Variants in PCYT1A observed in about 807,000 individuals in gnomAD.
PCYT1A encodes phosphate cytidylyltransferase 1A, choline.
In PCYT1A, 25 loss-of-function variants were observed where a neutral mutation model predicts 43.7. The ratio of observed to expected loss-of-function variants is 0.57; its 90% CI spans 0.42 to 0.80. PCYT1A has a LOEUF of 0.80. PCYT1A is among the 30% of genes least tolerant of loss of function. The pLI, the probability that PCYT1A is intolerant of heterozygous loss-of-function variation, is 0.00. For synonymous variants in PCYT1A, 172 were observed against 170.7 expected (o/e 1.01, Z -0.06); for missense variants, 421 against 474.2 (o/e 0.89, Z 1.04).
At chr3:196,248,673 C>CA (rs1258244890) in intron 3 of PCYT1A, among the ~76,000 whole-genome samples, 1 of 150,894 alleles carries the variant, frequency 6.6e-6, no homozygotes, top group Non-Finnish European at 1.5e-5. Flanking sequence ...TGCCAAGCCA[C>CA]AAAAATACAT....
rs958926950 is a variant in PCYT1A, at chr3:196,241,308, A to G, written c.708+640T>C. The G allele has an allele frequency of 2.5e-4, 38 of 149,556 alleles. 2 individuals carry two copies. The highest frequency in any genetic ancestry group is 2.5e-3 in the Admixed American group (37 of 14,924). The allele number at this position is 149,556 out of a possible 1,614,324, so 9.3% of individuals were successfully genotyped here. ...CGAGACCCTGTCTCAAAAAGAAAGA[A>G]ACACTACATATATATATATTTGCAT... is the stretch of plus-strand genomic sequence containing the variant. On this transcript the variant is annotated intron_variant, in intron 7 of 8. Coordinates refer to ENST00000431016, the MANE Select transcript of PCYT1A (RefSeq NM_001312673.2).
At chr3:196,243,738 G>T (rs1364048908) in intron 5 of PCYT1A, among the ~76,000 whole-genome samples, 2 of 152,386 alleles carry the variant, frequency 1.3e-5, no homozygotes, top group Non-Finnish European at 2.9e-5. Flanking sequence ...GTTTTGCTGT[G>T]TTGGCCGGGC....
At chr3:196,248,369 G>A (rs1412255409) in intron 3 of PCYT1A, 46 bp from the exon 4 acceptor site, 2 of 1,180,064 alleles carry the variant, frequency 1.7e-6, no homozygotes, top group Non-Finnish European at 2.5e-6. Flanking sequence ...CTTTTTTTTT[G>A]TCATTTTTAT....
chr3:196,238,510 T>G lies in PCYT1A; in HGVS notation c.*178A>C. On this transcript the variant is annotated 3_prime_UTR_variant, in exon 9 of 9. Coordinates refer to ENST00000431016, the MANE Select transcript of PCYT1A (RefSeq NM_001312673.2). The stretch of plus-strand genomic sequence containing the variant: ...AGTCCCCCTCCTTCGTGTGGGTGAG[T>G]GATGTCACTTGCAGGACAGGCTGTT... The G allele has an allele frequency of 2.3e-6, 1 of 443,798 alleles. No homozygotes were observed. 27.5% of individuals were successfully genotyped at this position (443,798 alleles called of 1,614,324 possible).
rs557263703 is a variant in PCYT1A at position 196,268,618 on chromosome 3, CTAAAAA to C, written c.117+1791_117+1796del. ...TGGGCAACATAGCAAGACCCTTACT[CTAAAAA>C]TAAAAATAAAAATAAAAATAGTAAG... On this transcript the variant is annotated intron_variant, in intron 2 of 8. Coordinates refer to ENST00000431016, the MANE Select transcript of PCYT1A (RefSeq NM_001312673.2). The surrounding 1 kb of genome is among the most constrained non-coding windows in gnomAD (Gnocchi z 4.4). Among the ~76,000 whole-genome samples, 67 of 151,956 alleles carry C rather than the reference CTAAAAA, an allele frequency of 4.4e-4. No homozygotes were observed. In the South Asian group the frequency reaches 5.0e-3, roughly 11 times the overall value.
rs1724205988 is a variant in PCYT1A at position 196,237,583 on chromosome 3, C to T, written c.*1105G>A. On this transcript the variant is annotated 3_prime_UTR_variant, in exon 9 of 9. Coordinates refer to ENST00000431016, the MANE Select transcript of PCYT1A (RefSeq NM_001312673.2). ...CAGGGAAGAATGTTCTGAAGAGGGA[C>T]AGAGGTCAAGGTGATAAGGCTGTTG... is the stretch of plus-strand genomic sequence containing the variant. 1 of 152,238 alleles carries T rather than the reference C, an allele frequency of 6.6e-6. No individual in the cohort carries two copies. The highest frequency in any genetic ancestry group is 1.5e-5 in the Non-Finnish European group (1 of 68,066). The allele number at this position is 152,238 out of a possible 1,614,324, so 9.4% of individuals were successfully genotyped here. A position where few individuals can be genotyped will look rare whatever the true frequency, so the allele number is the denominator to read the frequency against.
intron 3 of PCYT1A, chr3:196,251,537 A>C (rs1272190150): frequency 6.5e-6 from 1 of 152,710 alleles, no homozygotes; most frequent in Non-Finnish European, 1.5e-5. Context: ...AGTATCAGCA[A>C]CTTTCAAGAA....
intron 5 of PCYT1A, among the ~76,000 whole-genome samples, chr3:196,245,063 C>T (rs567217196): frequency 4.0e-4 from 61 of 150,758 alleles, no homozygotes; most frequent in African/African-American, 1.2e-3. Flanking sequence ...TCCCCCTCTG[C>T]GAGAAACACC....
chr3:196,286,404 T>C (rs954701249), intron 1 of PCYT1A, among the ~76,000 whole-genome samples: 4 of 152,200 alleles, frequency 2.6e-5, no homozygotes, highest in African/African-American at 9.6e-5. Context: ...ATAGAATCAT[T>C]ACATTTTAGA....
chr3:196,246,810 G>A (rs556640547), intron 5 of PCYT1A, among the ~76,000 whole-genome samples: 7 of 152,228 alleles, frequency 4.6e-5, no homozygotes, highest in African/African-American at 1.7e-4. Flanking sequence ...TGGGGGGAAG[G>A]TCTCGTAACT....
chr3:196,266,696 C>T (rs1047284142), intron 2 of PCYT1A, among the ~76,000 whole-genome samples: 1 of 151,814 alleles, frequency 6.6e-6, no homozygotes, highest in African/African-American at 2.4e-5. Context: ...TTGAAACCAG[C>T]CTGAGCAACA....
Position 196,242,784 on chromosome 3 carries a change from T to C in PCYT1A, c.487-144A>G. The C allele has an allele frequency of 3.1e-6, 2 of 649,154 alleles. No homozygotes were observed. Among genetic ancestry groups the C allele is most frequent in the Non-Finnish European group, 5.6e-6 (2 of 356,306 alleles). The allele number at this position is 649,154 out of a possible 1,614,324, so 40.2% of individuals were successfully genotyped here. On this transcript the variant is annotated intron_variant, in intron 5 of 8. Coordinates refer to ENST00000431016, the MANE Select transcript of PCYT1A (RefSeq NM_001312673.2). This position sits in a 1 kb window ranked among gnomAD's most constrained non-coding sequence, Gnocchi z 4.2. ...ATCTCTCTTTGCTTTGCTCATAAAT[T>C]CTACAATCTATTCACAAACCACCCA...
chr3:196,263,390 A>T (rs1003049782), intron 2 of PCYT1A, among the ~76,000 whole-genome samples: 3 of 151,394 alleles, frequency 2.0e-5, no homozygotes, highest in African/African-American at 7.3e-5. Context: ...TAATTTTTCC[A>T]TTTTTTTTGT....
chr3:196,244,269 C>A (rs1724476629), intron 5 of PCYT1A, among the ~76,000 whole-genome samples: 2 of 148,154 alleles, frequency 1.3e-5, no homozygotes, highest in African/African-American at 2.5e-5. Flanking sequence ...GGCCGCCCAT[C>A]GTCTGGGATG....
rs541392974 is a variant in PCYT1A, at chr3:196,244,208, C to T, written c.487-1568G>A. Among the ~76,000 whole-genome samples, 274 of 140,858 alleles carry T rather than the reference C, an allele frequency of 1.9e-3. 1 individual carries two copies. The highest frequency in any genetic ancestry group is 6.9e-3 in the African/African-American group (259 of 37,626). 92.4% of individuals were successfully genotyped at this position (140,858 alleles called of 152,430 possible). On this transcript the variant is annotated intron_variant, in intron 5 of 8. Transcript: ENST00000431016. ...GCCACCCAGTCTTGGAGGTGAGGAG[C>T]GCCTCTGCCCGGCCACGACCCCGTC...
chr3:196,278,791 C>A (rs1451218194), intron 1 of PCYT1A, among the ~76,000 whole-genome samples: 2 of 151,988 alleles, frequency 1.3e-5, no homozygotes, highest in Non-Finnish European at 2.9e-5. Context: ...ACCAGCCTGG[C>A]CAACATGGCG....
chr3:196,281,771 C>T (rs1027274871), intron 1 of PCYT1A, among the ~76,000 whole-genome samples: 20 of 152,150 alleles, frequency 1.3e-4, no homozygotes, highest in African/African-American at 4.3e-4. Flanking sequence ...AATCATGGCT[C>T]ACTGCAGCCT....
At chr3:196,245,655 G>A (rs893773925) in intron 5 of PCYT1A, among the ~76,000 whole-genome samples, 1 of 152,070 alleles carries the variant, frequency 6.6e-6, no homozygotes, top group Non-Finnish European at 1.5e-5. Context: ...CTCTCAGCCA[G>A]CATCTCAATT....
At position 196,247,587 on chromosome 3, in the gene PCYT1A, C is replaced by G. The variant is rs1231366929; in HGVS notation, c.335-69G>C. The G allele has an allele frequency of 5.1e-6, 7 of 1,378,480 alleles. No homozygotes were observed. Among genetic ancestry groups the G allele is most frequent in the Admixed American group, 1.7e-5 (1 of 58,886 alleles). The allele number at this position is 1,378,480 out of a possible 1,614,324, so 85.4% of individuals were successfully genotyped here. A position where few individuals can be genotyped will look rare whatever the true frequency, so the allele number is the denominator to read the frequency against. ...TTAGCACCTCCTCAGCCACCGACCTCTCCCATCTTCTCCCACTGCTTAGGA... is the reference window on the plus strand; with the variant it reads ...TTAGCACCTCCTCAGCCACCGACCTGTCCCATCTTCTCCCACTGCTTAGGA... On this transcript the variant is annotated intron_variant, in intron 4 of 8. Transcript: ENST00000431016. This position sits in a 1 kb window ranked among gnomAD's most constrained non-coding sequence, Gnocchi z 4.8.
Sources: gnomAD v4.1 joint callset for allele counts (sites outside exome capture counted in the v4.1 genomes callset) on GRCh38, gnomAD v4.1.1 for gene constraint, Gnocchi (gnomAD v3.1) non-coding constraint, MANE v1.5 for transcripts, NCBI Gene and HGNC (gene_info 2026-07-23, HGNC 2026-07-21) for gene names.